The following TMEM130 variants were observed in gnomAD, a reference collection of about 807,000 sequenced individuals.
The protein encoded by TMEM130 is transmembrane protein 130.
Under a neutral mutation model 42.9 loss-of-function variants are expected in TMEM130, and 37 were observed. The observed-to-expected ratio is 0.86, with a 90% CI of 0.66 to 1.13. The LOEUF is 1.13. Among genes scored for constraint, TMEM130 ranks in the 50% most tolerant of loss-of-function variants. The pLI is 0.00. For missense variants in TMEM130, 545 were observed against 562.6 expected, an observed-to-expected ratio of 0.97 and a Z score of 0.32; for synonymous variants, 259 against 237.7, an observed-to-expected ratio of 1.09 and a Z score of -0.82.
At chr7:98,866,327 TAAATC>T (rs1371060243) in intron 1 of TMEM130, 1 of 152,052 alleles carries the variant, frequency 6.6e-6, no homozygotes, top group Non-Finnish European at 1.5e-5. Flanking sequence ...AATAAATACA[TAAATC>T]AAATAAAATC....
chr7:98,850,273 A>ATTTTTTT (rs1554398023), intron 6 of TMEM130, among the ~76,000 whole-genome samples: 3 of 35,470 alleles, frequency 8.5e-5, no homozygotes, highest in Admixed American at 4.3e-4. Context: ...ATATATATAT[A>ATTTTTTT]TTTTTTTTTT....
chr7:98,869,472 CCAG>C lies in TMEM130; in HGVS notation c.85+302_85+304del, dbSNP rs1379562206. On this transcript the variant is annotated intron_variant, in intron 1 of 7. Transcript: ENST00000339375. This position sits in a 1 kb window ranked among gnomAD's most constrained non-coding sequence, Gnocchi z 4.7. ...CCCTCCCTTAGCGGGTGCATGGTCC[CCAG>C]GCATCGACGGATGCGCCGGCCACCC... is the stretch of plus-strand genomic sequence containing the variant. The C allele has an allele frequency of 3.5e-6, 3 of 866,758 alleles. No individual in the cohort carries two copies. Among genetic ancestry groups the C allele is most frequent in the Non-Finnish European group, 4.2e-6 (3 of 721,616 alleles). 53.7% of individuals were successfully genotyped at this position (866,758 alleles called of 1,614,324 possible). A position where few individuals can be genotyped will look rare whatever the true frequency, so the allele number is the denominator to read the frequency against.
rs148531068 is a variant in TMEM130, at chr7:98,847,504, CTGTGTGTGTGTGTG to C, written c.*538_*551del. 0.028 allele frequency: 4,250 copies of C among 150,892 alleles called. 96 individuals carry two copies. The highest frequency in any genetic ancestry group is 0.065 in the African/African-American group (2,653 of 41,110). The allele number at this position is 150,892 out of a possible 1,614,324, so 9.3% of individuals were successfully genotyped here. A position where few individuals can be genotyped will look rare whatever the true frequency, so the allele number is the denominator to read the frequency against. ...CCATGTGACGCATGTGTTTATATTT[CTGTGTGTGTGTGTG>C]TGTGTGTGTGTGTGTGTGTGTGTGG... On this transcript the variant is annotated 3_prime_UTR_variant, in exon 8 of 8. Transcript: ENST00000339375.
intron 2 of TMEM130, among the ~76,000 whole-genome samples, chr7:98,862,870 A>G (rs1014537385): frequency 1.3e-5 from 2 of 152,048 alleles, no homozygotes; most frequent in Non-Finnish European, 2.9e-5. Context: ...ATTAATGTAT[A>G]CCCTCAGCAG....
intron 5 of TMEM130, among the ~76,000 whole-genome samples, chr7:98,852,412 G>A (rs1371272329): frequency 1.3e-5 from 2 of 152,122 alleles, no homozygotes; most frequent in African/African-American, 2.4e-5. Flanking sequence ...TTACAGGCGT[G>A]AGCCACTGCG....
At chr7:98,855,725 G>A (rs1685122) in intron 4 of TMEM130, among the ~76,000 whole-genome samples, 2,833 of 152,112 alleles carry the variant, frequency 0.019, 80 homozygotes, top group African/African-American at 0.061. Flanking sequence ...TGGGGCCGGG[G>A]AACAGGGAAT....
At chr7:98,866,370 G>C (rs1554400629) in intron 1 of TMEM130, 1 of 152,166 alleles carries the variant, frequency 6.6e-6, no homozygotes, top group Non-Finnish European at 1.5e-5. Context: ...GCACCAACAG[G>C]GTGGAAAACC....
At chr7:98,853,552 C>T (rs561382080) in intron 5 of TMEM130, among the ~76,000 whole-genome samples, 9 of 152,296 alleles carry the variant, frequency 5.9e-5, no homozygotes, top group African/African-American at 1.9e-4. Context: ...CGCTTGAACC[C>T]GGGAGGCGGA....
intron 6 of TMEM130, among the ~76,000 whole-genome samples, chr7:98,850,269 A>ATTTTTTTTTTTTTTTTTTTT (rs1244635646): frequency 3.3e-5 from 1 of 30,166 alleles, no homozygotes; most frequent in Non-Finnish European, 7.3e-5. Flanking sequence ...ATATATATAT[A>ATTTTTTTTTTTTTTTTTTTT]TATATTTTTT....
At chr7:98,852,291 G>A (rs1794529372) in intron 5 of TMEM130, among the ~76,000 whole-genome samples, 1 of 152,070 alleles carries the variant, frequency 6.6e-6, no homozygotes, top group Non-Finnish European at 1.5e-5. Context: ...AACCATGCCT[G>A]GCTAATTTTT....
intron 6 of TMEM130, 43 bp from the exon 7 acceptor site, chr7:98,848,738 A>G: frequency 7.6e-7 from 1 of 1,316,436 alleles, no homozygotes; most frequent in African/African-American, 1.4e-5. Context: ...GGTAGCTGGT[A>G]CTACAGTGCT....
At chr7:98,867,866 T>A (rs73711440) in intron 1 of TMEM130, among the ~76,000 whole-genome samples, 1 of 152,122 alleles carries the variant, frequency 6.6e-6, no homozygotes, top group African/African-American at 2.4e-5. Flanking sequence ...AGGGTGGAAA[T>A]GGACCAGGAA....
chr7:98,850,021 A>G (rs1268779349), intron 6 of TMEM130, among the ~76,000 whole-genome samples: 3 of 151,774 alleles, frequency 2.0e-5, no homozygotes, highest in African/African-American at 4.8e-5. Flanking sequence ...TTCAAGAAAG[A>G]AGGTTGGGCA....
intron 5 of TMEM130, among the ~76,000 whole-genome samples, chr7:98,854,806 C>T (rs533594191): frequency 6.6e-6 from 1 of 152,162 alleles, no homozygotes; most frequent in South Asian, 2.1e-4. Context: ...GAGGCCAAGG[C>T]GGATGGATCA....
chr7:98,865,202 G>A (rs1434854189), intron 1 of TMEM130, among the ~76,000 whole-genome samples: 2 of 152,202 alleles, frequency 1.3e-5, no homozygotes, highest in Non-Finnish European at 2.9e-5. Context: ...CACCCAGGTG[G>A]CACTGACTGA....
intron 2 of TMEM130, among the ~76,000 whole-genome samples, chr7:98,862,304 CAA>C (rs782574687): frequency 0.23 from 12,054 of 51,656 alleles, 1,584 homozygotes; most frequent in African/African-American, 0.35. Flanking sequence ...CAGAAAGAGA[CAA>C]AGAGACAGAG....
intron 3 of TMEM130, among the ~76,000 whole-genome samples, chr7:98,858,328 G>A (rs1409802294): frequency 3.3e-5 from 5 of 151,802 alleles, no homozygotes; most frequent in Admixed American, 3.3e-4. Flanking sequence ...ATGGCTTGAG[G>A]CCAGGAGCTC....
At position 98,869,756 on chromosome 7, in the gene TMEM130, C is replaced by T. The variant is rs1554401087; in HGVS notation, c.85+21G>A. 1 of 1,360,206 alleles carries T rather than the reference C, an allele frequency of 7.4e-7. No homozygotes were observed. The highest frequency in any genetic ancestry group is 3.7e-5 in the Admixed American group (1 of 27,264). The allele number at this position is 1,360,206 out of a possible 1,614,324, so 84.3% of individuals were successfully genotyped here. On this transcript the variant is annotated intron_variant, in intron 1 of 7. Coordinates refer to ENST00000339375, the MANE Select transcript of TMEM130 (RefSeq NM_152913.3). This position sits in a 1 kb window ranked among gnomAD's most constrained non-coding sequence, Gnocchi z 4.7. ...CGGGCGGGCTGCGGCTGCAGGGAGGCCGGATTGCCCAGCGCCTTACCTGCG... is the reference window on the plus strand; with the variant it reads ...CGGGCGGGCTGCGGCTGCAGGGAGGTCGGATTGCCCAGCGCCTTACCTGCG...
At chr7:98,857,954 C>T (rs1794673410) in intron 3 of TMEM130, among the ~76,000 whole-genome samples, 1 of 151,904 alleles carries the variant, frequency 6.6e-6, no homozygotes, top group Non-Finnish European at 1.5e-5. Context: ...TTTGGCCAGG[C>T]TGGTCTCAAA....
Sources: gnomAD v4.1 joint callset for allele counts (sites outside exome capture counted in the v4.1 genomes callset) on GRCh38, gnomAD v4.1.1 for gene constraint, Gnocchi (gnomAD v3.1) non-coding constraint, MANE v1.5 for transcripts, NCBI Gene and HGNC (gene_info 2026-07-23, HGNC 2026-07-21) for gene names.